TSPEAR: variants seen among roughly 807,000 people sequenced by gnomAD.
TSPEAR encodes thrombospondin-type laminin G domain and EAR repeat-containing protein.
TSPEAR carries 69 observed loss-of-function variants against 71.6 expected under a neutral mutation model. The observed-to-expected ratio is 0.96, with a 90% confidence interval of 0.79 to 1.18. The LOEUF (loss-of-function observed/expected upper bound fraction) is 1.18, where lower values mean the gene tolerates loss of function less well. TSPEAR is among the 50% of genes most tolerant of loss of function. The pLI, the probability that TSPEAR is intolerant of heterozygous loss-of-function variation, is 0.00. For synonymous variants in TSPEAR, 402 were observed against 387.2 expected, an observed-to-expected ratio of 1.04 and a Z score of -0.45; for missense variants, 971 against 894.9, an observed-to-expected ratio of 1.09 and a Z score of -1.09.
chr21:44,645,601 C>T (rs1984279518), intron 1 of TSPEAR, among the ~76,000 whole-genome samples: 1 of 152,030 alleles, frequency 6.6e-6, no homozygotes, highest in African/African-American at 2.4e-5. Context: ...ATCCACCCAC[C>T]TCAGCCCCCC....
At chr21:44,528,154 T>C (rs1379539103) in intron 6 of TSPEAR, among the ~76,000 whole-genome samples, 2 of 152,100 alleles carry the variant, frequency 1.3e-5, no homozygotes, top group Admixed American at 6.5e-5. Flanking sequence ...ACATTTCCAA[T>C]TGAGATGCAC....
rs782756208 is a variant in TSPEAR at position 44,612,160 on chromosome 21, C to T, written c.83-44155G>A. ...TTGCTGCATCCACCATGTCTGTCTGCTCCAGTGACGTGGGCCATGTCAGCC... is the reference window on the plus strand; with the variant it reads ...TTGCTGCATCCACCATGTCTGTCTGTTCCAGTGACGTGGGCCATGTCAGCC... On this transcript the variant is annotated intron_variant, in intron 1 of 11. Coordinates refer to ENST00000323084, the MANE Select transcript of TSPEAR (RefSeq NM_144991.3). The surrounding 1 kb of genome is among the most constrained non-coding windows in gnomAD (Gnocchi z 4.1). 6.8e-6 allele frequency: 11 copies of T among 1,613,980 alleles called. No individual in the cohort carries two copies. The South Asian group carries it at 1.1e-4, about 16-fold the overall frequency.
chr21:44,545,178 C>A (rs947289778), intron 2 of TSPEAR, among the ~76,000 whole-genome samples: 1 of 151,908 alleles, frequency 6.6e-6, no homozygotes, highest in Non-Finnish European at 1.5e-5. Context: ...ATTAGCCGGG[C>A]ATGGTGGCAG....
At chr21:44,654,233 G>A in intron 1 of TSPEAR, 1 of 1,503,428 alleles carries the variant, frequency 6.7e-7, no homozygotes, top group Non-Finnish European at 9.2e-7. Context: ...GAGCCTGCTG[G>A]CTTCTGACCT....
chr21:44,592,486 C>T, intron 1 of TSPEAR: 1 of 1,606,834 alleles, frequency 6.2e-7, no homozygotes, highest in Admixed American at 1.7e-5. Flanking sequence ...CGCGGCCATG[C>T]TGGGGTTGAA....
intron 1 of TSPEAR, chr21:44,637,986 T>C: frequency 1.2e-6 from 2 of 1,613,852 alleles, no homozygotes; most frequent in Non-Finnish European, 1.7e-6. Flanking sequence ...TCCTCCTCCG[T>C]GTCCCTCCTC....
rs587680686 is a variant in TSPEAR at position 44,518,496 on chromosome 21, C to A, written c.1566+3387G>T. The A allele has an allele frequency of 1.5e-4, 58 of 390,368 alleles. No individual in the cohort carries two copies. In the East Asian group the frequency reaches 2.3e-3, roughly 16 times the overall value. The allele number at this position is 390,368 out of a possible 1,614,324, so 24.2% of individuals were successfully genotyped here. On this transcript the variant is annotated intron_variant, in intron 9 of 11. Coordinates refer to ENST00000323084, the MANE Select transcript of TSPEAR (RefSeq NM_144991.3). Reference sequence around the variant, plus strand: ...CACTCCCCAACCCACTGCAGGGATCCTTTCTCTTGTCACCTCACTTTGTGA... The same window carrying A: ...CACTCCCCAACCCACTGCAGGGATCATTTCTCTTGTCACCTCACTTTGTGA...
chr21:44,517,792 C>A, intron 9 of TSPEAR: 1 of 471,224 alleles, frequency 2.1e-6, no homozygotes, highest in Non-Finnish European at 4.4e-6. Flanking sequence ...CCAGGGCTGC[C>A]GATGGGAAAT....
chr21:44,615,937 C>T (rs1982063692), intron 1 of TSPEAR, among the ~76,000 whole-genome samples: 1 of 152,330 alleles, frequency 6.6e-6, no homozygotes, highest in Middle Eastern at 3.4e-3. Context: ...CATGAGACAA[C>T]TACTTCAGGC....
At chr21:44,630,771 T>C (rs782040744) in intron 1 of TSPEAR, among the ~76,000 whole-genome samples, 2 of 152,022 alleles carry the variant, frequency 1.3e-5, no homozygotes, top group Non-Finnish European at 2.9e-5. Flanking sequence ...CTATAAAGAC[T>C]GGGAAAAAAA....
rs550635983 is a variant in TSPEAR at position 44,689,698 on chromosome 21, G to C, written c.82+21735C>G. 9.7e-4 allele frequency among the ~76,000 whole-genome samples: 59 copies of C among 61,002 alleles called. 1 individual carries two copies. The Middle Eastern group carries it at 0.035, about 36-fold the overall frequency. The allele number at this position is 61,002 out of a possible 152,430, so 40.0% of individuals were successfully genotyped here. ...GAGTGTATTAGGGTTCCCTTAGAGG[G>C]ACAGAATAGAATGAATATATATATA... On this transcript the variant is annotated intron_variant, in intron 1 of 11. Coordinates refer to ENST00000323084, the MANE Select transcript of TSPEAR (RefSeq NM_144991.3).
At chr21:44,601,545 C>T (rs782705787) in intron 1 of TSPEAR, 37 of 1,613,614 alleles carry the variant, frequency 2.3e-5, no homozygotes, top group Middle Eastern at 1.6e-4. Flanking sequence ...CCTCCTCCTC[C>T]GTGTCCCTCC....
At chr21:44,679,567 C>A (rs587655476) in intron 1 of TSPEAR, among the ~76,000 whole-genome samples, 2 of 152,028 alleles carry the variant, frequency 1.3e-5, no homozygotes, top group African/African-American at 2.4e-5. Context: ...CATATGGAAC[C>A]AAAAAGGACC....
Position 44,627,741 on chromosome 21 carries a change from T to C in TSPEAR, c.83-59736A>G, listed in dbSNP as rs782817682. ...ACTGTGTGCCTGTCTGCTGTAAGCC[T>C]GTCTGCTGCAAACCCATCTGCTGTG... On this transcript the variant is annotated intron_variant, in intron 1 of 11. Coordinates refer to ENST00000323084, the MANE Select transcript of TSPEAR (RefSeq NM_144991.3). 9.4e-6 allele frequency: 15 copies of C among 1,594,480 alleles called. No individual in the cohort carries two copies. The South Asian group carries it at 1.3e-4, about 14-fold the overall frequency.
chr21:44,517,019 G>A (rs1342103555), intron 9 of TSPEAR, among the ~76,000 whole-genome samples: 5 of 152,152 alleles, frequency 3.3e-5, no homozygotes, highest in Admixed American at 1.3e-4. Context: ...CAGGAAGGCC[G>A]TCCTGGCCTG....
At chr21:44,627,388 A>G in intron 1 of TSPEAR, 1 of 1,613,892 alleles carries the variant, frequency 6.2e-7, no homozygotes, top group Non-Finnish European at 8.5e-7. Context: ...AGGCTGCACC[A>G]GCTCCTGCAC....
At chr21:44,666,865 A>G (rs1555944967) in intron 1 of TSPEAR, 4 of 1,613,672 alleles carry the variant, frequency 2.5e-6, no homozygotes, top group Non-Finnish European at 3.4e-6. Flanking sequence ...TGGCAGCCCG[A>G]GGAGCAGCTG....
chr21:44,646,747 C>T (rs1569238578), intron 1 of TSPEAR: 1 of 1,614,088 alleles, frequency 6.2e-7, no homozygotes, highest in Non-Finnish European at 8.5e-7. Flanking sequence ...CCCCTGCCAG[C>T]AGGCCTGCTG....
At chr21:44,540,582 C>T (rs905587610) in intron 2 of TSPEAR, among the ~76,000 whole-genome samples, 5 of 152,176 alleles carry the variant, frequency 3.3e-5, no homozygotes, top group South Asian at 2.1e-4. Context: ...ATCGTGGGGG[C>T]GTCTCCTCCC....
Sources: allele counts gnomAD v4.1 joint callset (sites outside exome capture counted in the v4.1 genomes callset), GRCh38; gene constraint gnomAD v4.1.1; non-coding constraint Gnocchi (gnomAD v3.1); transcripts MANE v1.5; gene names NCBI Gene and HGNC (gene_info 2026-07-23, HGNC 2026-07-21).